The following TMEM71 variants were observed in gnomAD, a reference collection of about 807,000 sequenced individuals.
TMEM71 encodes the protein transmembrane protein 71.
TMEM71 carries 44 observed loss-of-function variants against 38.0 expected under a neutral mutation model. The ratio of observed to expected loss-of-function variants is 1.16; its 90% CI spans 0.91 to 1.49. TMEM71 has a LOEUF of 1.49. Among genes scored for constraint, TMEM71 ranks in the 40% most tolerant of loss-of-function variants. The pLI is 0.00. For missense variants in TMEM71, 367 were observed against 348.6 expected (o/e 1.05, Z -0.42); for synonymous variants, 133 against 122.5 (o/e 1.09, Z -0.56).
intron 5 of TMEM71, among the ~76,000 whole-genome samples, chr8:132,734,311 T>G (rs553047798): frequency 3.9e-4 from 59 of 152,120 alleles, no homozygotes; most frequent in Non-Finnish European, 8.4e-4. Context: ...ACATGAAATA[T>G]GTGCAGTTCT....
intron 5 of TMEM71, among the ~76,000 whole-genome samples, chr8:132,736,008 CT>C (rs1161730032): frequency 6.6e-6 from 1 of 152,192 alleles, no homozygotes. Context: ...AGCTCTGAGC[CT>C]GTTCTTGGTT....
At chr8:132,745,480 A>G (rs761142125) in intron 5 of TMEM71, among the ~76,000 whole-genome samples, 4 of 152,190 alleles carry the variant, frequency 2.6e-5, no homozygotes, top group Non-Finnish European at 4.4e-5. Context: ...GAGACACTAT[A>G]TCACACATCA....
chr8:132,735,135 T>C (rs1170433151), intron 5 of TMEM71, among the ~76,000 whole-genome samples: 1 of 152,186 alleles, frequency 6.6e-6, no homozygotes, highest in Non-Finnish European at 1.5e-5. Flanking sequence ...TCTCTTTCAG[T>C]ATGACTCACA....
intron 5 of TMEM71, among the ~76,000 whole-genome samples, chr8:132,746,676 A>G (rs1171855483): frequency 1.3e-5 from 2 of 151,992 alleles, no homozygotes; most frequent in Non-Finnish European, 2.9e-5. Flanking sequence ...CAGAAAAAAT[A>G]CAGTGGAGAT....
At chr8:132,711,451 T>TA (rs1195279595) in intron 9 of TMEM71, among the ~76,000 whole-genome samples, 8 of 152,150 alleles carry the variant, frequency 5.3e-5, no homozygotes, top group Non-Finnish European at 1.0e-4. Flanking sequence ...GCCTGTAGGG[T>TA]AACAGGTGGA....
intron 5 of TMEM71, among the ~76,000 whole-genome samples, chr8:132,745,578 G>C (rs753441593): frequency 1.9e-4 from 29 of 152,116 alleles, no homozygotes; most frequent in Non-Finnish European, 4.0e-4. Flanking sequence ...TTGTTGGTGG[G>C]AATGTAAATT....
chr8:132,727,226 T>C (rs1827194797), intron 6 of TMEM71, among the ~76,000 whole-genome samples: 2 of 151,828 alleles, frequency 1.3e-5, no homozygotes, highest in African/African-American at 2.4e-5. Context: ...CTTTGCTTTA[T>C]TGAAGCCTAA....
chr8:132,766,815 G>C, the TMEM71 span, among the ~76,000 whole-genome samples: 4 of 147,056 alleles, frequency 2.7e-5, no homozygotes, highest in Admixed American at 1.4e-4. Context: ...AAAAGATGCT[G>C]TTTTCACTTC....
intron 7 of TMEM71, among the ~76,000 whole-genome samples, chr8:132,721,093 G>A (rs922814831): frequency 2.6e-5 from 4 of 152,174 alleles, no homozygotes; most frequent in African/African-American, 4.8e-5. Context: ...ACATTTGAAC[G>A]GATTTTGTAA....
chr8:132,740,778 A>C (rs1038063252), intron 5 of TMEM71, among the ~76,000 whole-genome samples: 1 of 152,168 alleles, frequency 6.6e-6, no homozygotes, highest in African/African-American at 2.4e-5. Flanking sequence ...CTTGCTCCCG[A>C]GGGCCTTTTT....
At chr8:132,707,105 A>C (rs753001727), downstream of TMEM71, among the ~76,000 whole-genome samples, 8 of 152,234 alleles carry the variant, frequency 5.3e-5, no homozygotes, top group Admixed American at 1.3e-4. Flanking sequence ...TCAAAGAAAC[A>C]AATTTCAAAG....
rs955630440 is a variant in TMEM71 at position 132,727,171 on chromosome 8, A to G, written c.676+627T>C. On this transcript the variant is annotated intron_variant, in intron 6 of 9. Transcript: ENST00000677595. ...TGTGCCTTCTTATGTAGTATGTCCA[A>G]TACACAGCTAAGAATTAAAATAGCA... Among the ~76,000 whole-genome samples the G allele has an allele frequency of 2.0e-5, 3 of 152,060 alleles. No individual in the cohort carries two copies. The East Asian group carries it at 5.8e-4, about 29-fold the overall frequency.
At chr8:132,773,693 T>C in the TMEM71 span, among the ~76,000 whole-genome samples, 4 of 152,202 alleles carry the variant, frequency 2.6e-5, no homozygotes, top group Non-Finnish European at 4.4e-5. Context: ...TTGAACATCA[T>C]TAGCAACTTC....
chr8:132,726,801 C>T (rs1031968163), intron 6 of TMEM71, among the ~76,000 whole-genome samples: 19 of 151,954 alleles, frequency 1.3e-4, no homozygotes, highest in Non-Finnish European at 2.6e-4. Context: ...TTTTCCTTGT[C>T]AGAAGCATAG....
intron 5 of TMEM71, among the ~76,000 whole-genome samples, chr8:132,731,898 C>A (rs1827477834): frequency 6.6e-6 from 1 of 152,138 alleles, no homozygotes; most frequent in Admixed American, 6.5e-5. Flanking sequence ...GATACGAAAC[C>A]AGCTGGGAGG....
At chr8:132,748,933 C>G (rs1828541888) in intron 4 of TMEM71, among the ~76,000 whole-genome samples, 1 of 152,200 alleles carries the variant, frequency 6.6e-6, no homozygotes, top group Admixed American at 6.5e-5. Context: ...CATGTTTCAC[C>G]TTTGTGAAAT....
rs1255837018 is a variant in TMEM71 at position 132,727,974 on chromosome 8, T to C, written c.500A>G (p.Asp167Gly). 3 of 1,611,256 alleles carry C rather than the reference T, an allele frequency of 1.9e-6. No homozygotes were observed. In the African/African-American group the frequency reaches 4.0e-5, roughly 22 times the overall value. Residue 167 changes from aspartate to glycine, a missense_variant, in exon 6 of 10, where the codon GAC becomes GGC. Asp to Gly is a moderately conservative substitution (Grantham distance 94). Coordinates refer to ENST00000677595, the MANE Select transcript of TMEM71 (RefSeq NM_001382403.1). ...DHCNGNADDLDCSSLTDDWES... is the reference protein window; with the variant it reads ...DHCNGNADDLGCSSLTDDWES... Reference sequence around the variant, plus strand: ...CCAGTCATCAGTCAGAGAAGAACAGTCTAAATCATCTGCTGAAAAAGCAGA... The same window carrying C: ...CCAGTCATCAGTCAGAGAAGAACAGCCTAAATCATCTGCTGAAAAAGCAGA...
intron 5 of TMEM71, among the ~76,000 whole-genome samples, chr8:132,740,274 C>T (rs186479962): frequency 6.6e-6 from 1 of 152,284 alleles, no homozygotes; most frequent in Admixed American, 6.5e-5. Flanking sequence ...GATTGTTCCT[C>T]CCCCAGATAT....
At chr8:132,766,756 A>AC in the TMEM71 span, among the ~76,000 whole-genome samples, 1 of 149,894 alleles carries the variant, frequency 6.7e-6, no homozygotes, top group East Asian at 2.0e-4. Context: ...GCGTACCCTA[A>AC]CCCGGGCAAC....
Sources: gnomAD v4.1 joint callset for allele counts (sites outside exome capture counted in the v4.1 genomes callset) on GRCh38, gnomAD v4.1.1 for gene constraint, MANE v1.5 for transcripts, NCBI Gene and HGNC (gene_info 2026-07-23, HGNC 2026-07-21) for gene names.